GPR158: variants seen among roughly 807,000 people sequenced by gnomAD.
The protein encoded by GPR158 is G protein-coupled receptor 158.
In GPR158, 30 loss-of-function variants were observed where a neutral mutation model predicts 78.2. The observed-to-expected ratio is 0.38, with a 90% CI of 0.29 to 0.52. GPR158 has a LOEUF of 0.52. Among genes scored for constraint, GPR158 ranks in the 20% least tolerant of loss-of-function variants. The pLI is 0.83. For missense variants in GPR158, 1,463 were observed against 1,523.5 expected (o/e 0.96, Z 0.66); for synonymous variants, 581 against 591.1 (o/e 0.98, Z 0.25).
intron 2 of GPR158, among the ~76,000 whole-genome samples, chr10:25,383,620 G>A (rs1360782689): frequency 6.6e-6 from 1 of 152,112 alleles, no homozygotes; most frequent in Non-Finnish European, 1.5e-5. Context: ...AATTGTAACA[G>A]GTGTGGGACT....
intron 5 of GPR158, among the ~76,000 whole-genome samples, chr10:25,538,289 T>A (rs974173302): frequency 2.0e-5 from 3 of 152,178 alleles, no homozygotes; most frequent in Non-Finnish European, 2.9e-5. Flanking sequence ...ATCTTTTTTT[T>A]AAATTATACT....
rs911505139 is a variant in GPR158 at position 25,601,149 on chromosome 10, A to T, written c.*1875A>T. ...AGAGTATTTTCAGTGGAAGGTAAAAACAGAATTCTCCATATTCATCATCAA... is the reference window on the plus strand; with the variant it reads ...AGAGTATTTTCAGTGGAAGGTAAAATCAGAATTCTCCATATTCATCATCAA... On this transcript the variant is annotated 3_prime_UTR_variant, in exon 11 of 11. Coordinates refer to ENST00000376351, the MANE Select transcript of GPR158 (RefSeq NM_020752.3). The T allele has an allele frequency of 3.3e-5, 5 of 152,594 alleles. No individual in the cohort carries two copies. The highest frequency in any genetic ancestry group is 5.9e-5 in the Non-Finnish European group (4 of 68,040). The allele number at this position is 152,594 out of a possible 1,614,324, so 9.5% of individuals were successfully genotyped here.
intron 2 of GPR158, among the ~76,000 whole-genome samples, chr10:25,309,640 G>T (rs1254594330): frequency 6.6e-6 from 1 of 151,964 alleles, no homozygotes; most frequent in African/African-American, 2.4e-5. Flanking sequence ...TTGAATTGTA[G>T]CACCCATAAT....
At chr10:25,322,726 T>TG (rs1402060168) in intron 2 of GPR158, among the ~76,000 whole-genome samples, 1 of 152,228 alleles carries the variant, frequency 6.6e-6, no homozygotes, top group East Asian at 1.9e-4. Flanking sequence ...GGCTGCAGAA[T>TG]GGATGTTGTG....
chr10:25,259,040 C>G (rs1420822661), intron 2 of GPR158, among the ~76,000 whole-genome samples: 5 of 152,068 alleles, frequency 3.3e-5, no homozygotes, highest in African/African-American at 9.7e-5. Flanking sequence ...TGATCCATTA[C>G]CTTTATGACG....
At chr10:25,591,032 T>C (rs1397170224) in intron 8 of GPR158, among the ~76,000 whole-genome samples, 1 of 152,082 alleles carries the variant, frequency 6.6e-6, no homozygotes, top group Non-Finnish European at 1.5e-5. Flanking sequence ...AATAAGGCAA[T>C]AGATGGTTGT....
intron 2 of GPR158, among the ~76,000 whole-genome samples, chr10:25,371,388 G>T (rs539937731): frequency 1.3e-5 from 2 of 151,542 alleles, no homozygotes; most frequent in East Asian, 2.0e-4. Context: ...TAAAGAGCCC[G>T]CATCGCCATG....
chr10:25,585,423 A>G (rs1837254305), intron 7 of GPR158, among the ~76,000 whole-genome samples: 1 of 152,230 alleles, frequency 6.6e-6, no homozygotes, highest in Non-Finnish European at 1.5e-5. Context: ...GGTGTCAACT[A>G]ACAAGACCCC....
chr10:25,426,197 G>A (rs1291979690), intron 4 of GPR158, among the ~76,000 whole-genome samples: 1 of 152,112 alleles, frequency 6.6e-6, no homozygotes, highest in Admixed American at 6.5e-5. Flanking sequence ...TCTTGCTCTG[G>A]ATTAAGCTTT....
chr10:25,185,075 C>T (rs889593366), intron 1 of GPR158, among the ~76,000 whole-genome samples: 1 of 152,166 alleles, frequency 6.6e-6, no homozygotes, highest in African/African-American at 2.4e-5. Flanking sequence ...GTGTGAAAAC[C>T]GAATGTGTCT....
chr10:25,214,230 G>A (rs890592685), intron 1 of GPR158, among the ~76,000 whole-genome samples: 1 of 151,748 alleles, frequency 6.6e-6, no homozygotes, highest in African/African-American at 2.4e-5. Context: ...TCCTGACCTC[G>A]TGATCCACCT....
chr10:25,554,481 T>C (rs188273363), intron 6 of GPR158, among the ~76,000 whole-genome samples: 1 of 152,288 alleles, frequency 6.6e-6, no homozygotes, highest in East Asian at 1.9e-4. Context: ...CCTGTAGCAC[T>C]GAAAACTTGA....
At chr10:25,410,248 G>A (rs1246116129) in intron 3 of GPR158, among the ~76,000 whole-genome samples, 1 of 152,120 alleles carries the variant, frequency 6.6e-6, no homozygotes, top group African/African-American at 2.4e-5. Context: ...AAGGCACCAT[G>A]GATTCCTAAT....
At position 25,419,837 on chromosome 10, in the gene GPR158, C is replaced by T. The variant is rs139039102; in HGVS notation, c.1335+7364C>T. The stretch of plus-strand genomic sequence containing the variant: ...AGTAATGTCTATTCAAGTCTTTTGC[C>T]CATTTTATTTTCACAAGTCTATGTT... On this transcript the variant is annotated intron_variant, in intron 4 of 10. Coordinates refer to ENST00000376351, the MANE Select transcript of GPR158 (RefSeq NM_020752.3). Among the ~76,000 whole-genome samples, 9 of 152,068 alleles carry T rather than the reference C, an allele frequency of 5.9e-5. No homozygotes were observed. The East Asian group carries it at 1.7e-3, about 30-fold the overall frequency.
rs145180805 is a variant in GPR158, at chr10:25,211,046, C to T, written c.903-10006C>T. ...ACTCGGGAGACTGAGGCAGGAGAAT[C>T]GCTTAAACCAGGGAGTCGGAGGTTG... On this transcript the variant is annotated intron_variant, in intron 1 of 10. Coordinates refer to ENST00000376351, the MANE Select transcript of GPR158 (RefSeq NM_020752.3). Among the ~76,000 whole-genome samples the T allele has an allele frequency of 8.4e-3, 1,269 of 151,768 alleles. 15 individuals carry two copies. Among genetic ancestry groups the T allele is most frequent in the African/African-American group, 0.029 (1,212 of 41,332 alleles).
At chr10:25,534,482 C>T (rs1259208385) in intron 5 of GPR158, among the ~76,000 whole-genome samples, 4 of 147,002 alleles carry the variant, frequency 2.7e-5, no homozygotes, top group African/African-American at 7.6e-5. Context: ...ACTAAAAATG[C>T]AAAAAACAAA....
chr10:25,540,959 T>A (rs868030277), intron 5 of GPR158, among the ~76,000 whole-genome samples: 63 of 146,192 alleles, frequency 4.3e-4, no homozygotes, highest in African/African-American at 1.5e-3. Context: ...TATATATATA[T>A]ATATATATAT....
intron 5 of GPR158, among the ~76,000 whole-genome samples, chr10:25,477,170 G>A (rs1835599604): frequency 6.6e-6 from 1 of 151,998 alleles, no homozygotes; most frequent in African/African-American, 2.4e-5. Flanking sequence ...GTATTGCCCT[G>A]AAGCAGAAGA....
At chr10:25,429,613 A>G (rs1834871093) in intron 4 of GPR158, among the ~76,000 whole-genome samples, 1 of 152,020 alleles carries the variant, frequency 6.6e-6, no homozygotes, top group Non-Finnish European at 1.5e-5. Flanking sequence ...AATCCTCAAT[A>G]AAATACTGGC....
Sources: gnomAD v4.1 joint callset for allele counts (sites outside exome capture counted in the v4.1 genomes callset) on GRCh38, gnomAD v4.1.1 for gene constraint, MANE v1.5 for transcripts, NCBI Gene and HGNC (gene_info 2026-07-23, HGNC 2026-07-21) for gene names.